NUSAP1: variants seen among roughly 807,000 people sequenced by gnomAD.
NUSAP1 encodes the protein nucleolar and spindle associated protein 1.
In NUSAP1, 32 loss-of-function variants were observed where a neutral mutation model predicts 52.8. The ratio of observed to expected loss-of-function variants is 0.61; its 90% confidence interval spans 0.46 to 0.81. The LOEUF is 0.81. NUSAP1 is among the 40% of genes least tolerant of loss of function. NUSAP1 has a pLI of 0.00. For missense variants in NUSAP1, 499 were observed against 522.3 expected (o/e 0.96, Z 0.43); for synonymous variants, 195 against 183.1 (o/e 1.06, Z -0.52).
chr15:41,334,381 A>G (rs11629979), intron 1 of NUSAP1, among the ~76,000 whole-genome samples: 44,584 of 151,984 alleles, frequency 0.29, 7,064 homozygotes, highest in African/African-American at 0.4. Flanking sequence ...CCCCCAAAGT[A>G]CTGGGATTAC....
intron 10 of NUSAP1, among the ~76,000 whole-genome samples, chr15:41,377,722 G>A (rs1201861950): frequency 7.3e-6 from 1 of 136,532 alleles, no homozygotes; most frequent in Non-Finnish European, 1.6e-5. Context: ...GTGGTATCAT[G>A]GGCCAGGCAC....
chr15:41,332,886 G>A lies in NUSAP1; in HGVS notation c.-72G>A. On this transcript the variant is annotated 5_prime_UTR_variant, in exon 1 of 11. Coordinates refer to ENST00000559596, the MANE Select transcript of NUSAP1 (RefSeq NM_016359.5). ...CTGCCTAGTCAAAGTTAAGAGTGGC[G>A]CCAGGGATTTGAACCGCGCTGACGA... is the stretch of plus-strand genomic sequence containing the variant. 1 of 1,194,816 alleles carries A rather than the reference G, an allele frequency of 8.4e-7. No individual in the cohort carries two copies. Among genetic ancestry groups the A allele is most frequent in the Non-Finnish European group, 1.2e-6 (1 of 822,268 alleles). 74.0% of individuals were successfully genotyped at this position (1,194,816 alleles called of 1,614,324 possible).
At position 41,342,387 on chromosome 15, in the gene NUSAP1, C is replaced by CAG. The variant is rs763040726; in HGVS notation, c.96_97insGA (p.Thr33GlufsTer5). Reference sequence around the variant, plus strand: ...CTAATAATAAGGTCTCTCTTGCAGGCAACCAAGTTGTTAAAAGCCTTGAAA... The same window carrying CAG: ...CTAATAATAAGGTCTCTCTTGCAGGCAGAACCAAGTTGTTAAAAGCCTTGAAA... On this transcript the variant is annotated frameshift_variant and splice_region_variant, in exon 2 of 11. Transcript: ENST00000559596. LOFTEE classifies it high-confidence loss of function. The CAG allele has an allele frequency of 1.3e-6, 2 of 1,583,334 alleles. No individual in the cohort carries two copies. Among genetic ancestry groups the CAG allele is most frequent in the Admixed American group, 3.6e-5 (2 of 55,946 alleles).
At chr15:41,361,404 T>A (rs28728213) in intron 6 of NUSAP1, among the ~76,000 whole-genome samples, 40,664 of 150,100 alleles carry the variant, frequency 0.27, 5,706 homozygotes, top group African/African-American at 0.34. Context: ...AAAAAAAAAA[T>A]AATAATAATT....
At chr15:41,333,667 TC>T (rs1373385274) in intron 1 of NUSAP1, among the ~76,000 whole-genome samples, 2 of 152,326 alleles carry the variant, frequency 1.3e-5, no homozygotes, top group Non-Finnish European at 2.9e-5. Context: ...ACGCCTGTAA[TC>T]CCAGCACTTT....
intron 1 of NUSAP1, among the ~76,000 whole-genome samples, chr15:41,342,146 A>T (rs548628844): frequency 1.3e-3 from 201 of 152,304 alleles, no homozygotes; most frequent in Admixed American, 5.7e-3. Flanking sequence ...TTCTCATGAC[A>T]GCCTGAGCCT....
At chr15:41,345,429 C>G (rs1342787495) in intron 2 of NUSAP1, 4 of 414,846 alleles carry the variant, frequency 9.6e-6, no homozygotes, top group East Asian at 1.6e-4. Flanking sequence ...AAAAAAATCT[C>G]TTCTCCTTTG....
chr15:41,354,434 G>A lies in NUSAP1; in HGVS notation c.449-1605G>A, dbSNP rs368972508. Among the ~76,000 whole-genome samples, 132 of 152,216 alleles carry A rather than the reference G, an allele frequency of 8.7e-4. 1 individual carries two copies. The South Asian group carries it at 0.027, about 31-fold the overall frequency. The stretch of plus-strand genomic sequence containing the variant: ...ACAGGAGAATCTCTTGAACCCTGGA[G>A]GCAGAGGTTGCAGTGAGCCAAGATC... On this transcript the variant is annotated intron_variant, in intron 4 of 10. Transcript: ENST00000559596.
intron 6 of NUSAP1, among the ~76,000 whole-genome samples, chr15:41,361,777 CTG>C (rs1156718444): frequency 6.6e-6 from 1 of 152,106 alleles, no homozygotes; most frequent in Non-Finnish European, 1.5e-5. Flanking sequence ...TAAAATAACA[CTG>C]TTCACCCTGA....
At position 41,339,215 on chromosome 15, in the gene NUSAP1, C is replaced by A. The variant is rs1317081255; in HGVS notation, c.94-3171C>A. ...TGAGTACACTAATGCATTAGAGGAT[C>A]ATGTGGGGAAATCTCTTATTTTTAG... On this transcript the variant is annotated intron_variant, in intron 1 of 10. Coordinates refer to ENST00000559596, the MANE Select transcript of NUSAP1 (RefSeq NM_016359.5). Among the ~76,000 whole-genome samples, 3 of 152,164 alleles carry A rather than the reference C, an allele frequency of 2.0e-5. No individual in the cohort carries two copies. In the East Asian group the frequency reaches 5.8e-4, roughly 29 times the overall value.
At chr15:41,342,032 T>C (rs951628281) in intron 1 of NUSAP1, among the ~76,000 whole-genome samples, 1 of 152,226 alleles carries the variant, frequency 6.6e-6, no homozygotes, top group African/African-American at 2.4e-5. Flanking sequence ...CCTTCAGATC[T>C]CAGCAATTAG....
In NUSAP1 at chr15:41,380,266, C is replaced by T; in HGVS notation, c.*80C>T. On this transcript the variant is annotated 3_prime_UTR_variant, in exon 11 of 11. Coordinates refer to ENST00000559596, the MANE Select transcript of NUSAP1 (RefSeq NM_016359.5). ...AAATTTTTTTTTTTTGCTGTCATCC[C>T]CACTTTAGTCACGAGATCTTTTTCT... The T allele has an allele frequency of 1.1e-6, 1 of 889,994 alleles. No homozygotes were observed. Among genetic ancestry groups the T allele is most frequent in the Admixed American group, 2.4e-5 (1 of 41,516 alleles). The allele number at this position is 889,994 out of a possible 1,614,324, so 55.1% of individuals were successfully genotyped here. A position where few individuals can be genotyped will look rare whatever the true frequency, so the allele number is the denominator to read the frequency against.
At chr15:41,356,937 G>A (rs531055946) in intron 5 of NUSAP1, among the ~76,000 whole-genome samples, 30 of 152,210 alleles carry the variant, frequency 2.0e-4, no homozygotes, top group Middle Eastern at 3.4e-3. Context: ...GCTGCTTATC[G>A]TATATTCAAA....
intron 10 of NUSAP1, among the ~76,000 whole-genome samples, chr15:41,378,944 GTTTT>G (rs1187469450): frequency 1.7e-4 from 11 of 63,268 alleles, no homozygotes; most frequent in African/African-American, 3.5e-4. Context: ...ACTTATCTTG[GTTTT>G]TTTTTTTTTT....
intron 7 of NUSAP1, among the ~76,000 whole-genome samples, chr15:41,366,326 C>T (rs542390576): frequency 1.3e-5 from 2 of 149,160 alleles, no homozygotes; most frequent in Admixed American, 6.7e-5. Context: ...AGTCTCACTC[C>T]ATTGCCCAGG....
At chr15:41,341,698 C>T (rs917483513) in intron 1 of NUSAP1, among the ~76,000 whole-genome samples, 1 of 152,222 alleles carries the variant, frequency 6.6e-6, no homozygotes, top group Admixed American at 6.5e-5. Flanking sequence ...CAGGCCACAG[C>T]ATTTCTGGCT....
chr15:41,344,625 G>C (rs1422651961), intron 2 of NUSAP1, among the ~76,000 whole-genome samples: 2 of 150,746 alleles, frequency 1.3e-5, no homozygotes, highest in Non-Finnish European at 3.0e-5. Context: ...GCGACAAAGC[G>C]AGACTCCGTC....
chr15:41,332,915 T>C lies in NUSAP1; in HGVS notation c.-43T>C. The stretch of plus-strand genomic sequence containing the variant: ...GGGATTTGAACCGCGCTGACGAAGT[T>C]TGGTGATCCATCTTCCGAGTATCGC... On this transcript the variant is annotated 5_prime_UTR_variant, in exon 1 of 11. Coordinates refer to ENST00000559596, the MANE Select transcript of NUSAP1 (RefSeq NM_016359.5). 1 of 1,490,106 alleles carries C rather than the reference T, an allele frequency of 6.7e-7. No individual in the cohort carries two copies. 92.3% of individuals were successfully genotyped at this position (1,490,106 alleles called of 1,614,324 possible).
At chr15:41,338,675 G>A (rs552650057) in intron 1 of NUSAP1, among the ~76,000 whole-genome samples, 7 of 152,298 alleles carry the variant, frequency 4.6e-5, no homozygotes, top group East Asian at 3.9e-4. Flanking sequence ...GAGACCAGGC[G>A]CCAGGCGCAG....
Sources: gnomAD v4.1 joint callset for allele counts (sites outside exome capture counted in the v4.1 genomes callset) on GRCh38, gnomAD v4.1.1 for gene constraint, MANE v1.5 for transcripts, NCBI Gene and HGNC (gene_info 2026-07-23, HGNC 2026-07-21) for gene names.